The following ARMC2 variants were observed in gnomAD, a reference collection of about 807,000 sequenced individuals.
The protein encoded by ARMC2 is armadillo repeat containing 2.
In ARMC2, 67 loss-of-function variants were observed where a neutral mutation model predicts 90.3. The observed-to-expected ratio is 0.74, with a 90% CI of 0.61 to 0.91. The LOEUF (loss-of-function observed/expected upper bound fraction) is 0.91. Ranked by LOEUF, ARMC2 falls within the 40% of genes least tolerant of loss-of-function variation. The pLI, the probability that ARMC2 is intolerant of heterozygous loss-of-function variation, is 0.00. For missense variants in ARMC2, 920 were observed against 1,030.9 expected, an observed-to-expected ratio of 0.89 and a Z score of 1.47; for synonymous variants, 393 against 393.0, an observed-to-expected ratio of 1.00 and a Z score of 0.00.
At chr6:108,877,607 T>G (rs911027312) in intron 5 of ARMC2, among the ~76,000 whole-genome samples, 2 of 152,150 alleles carry the variant, frequency 1.3e-5, no homozygotes, top group South Asian at 2.1e-4. Context: ...AGCTTAAACA[T>G]AAAAGGCAGC....
At chr6:108,874,737 T>C (rs1197235623) in intron 4 of ARMC2, among the ~76,000 whole-genome samples, 5 of 152,050 alleles carry the variant, frequency 3.3e-5, no homozygotes, top group Non-Finnish European at 7.4e-5. Flanking sequence ...CGAACCCAAG[T>C]CTGAGCCAAA....
chr6:108,896,272 G>A (rs1287941616), intron 6 of ARMC2, among the ~76,000 whole-genome samples: 1 of 152,052 alleles, frequency 6.6e-6, no homozygotes, highest in Non-Finnish European at 1.5e-5. Context: ...TCAAAAACAT[G>A]CTGAAATTTT....
the ARMC2 span, among the ~76,000 whole-genome samples, chr6:109,045,727 G>A: frequency 6.6e-6 from 1 of 152,160 alleles, no homozygotes; most frequent in Non-Finnish European, 1.5e-5. Flanking sequence ...AGCCTTTGCA[G>A]AATTCTCTTG....
intron 7 of ARMC2, among the ~76,000 whole-genome samples, chr6:108,900,657 C>T (rs1236404642): frequency 6.6e-6 from 1 of 152,174 alleles, no homozygotes; most frequent in African/African-American, 2.4e-5. Context: ...CAAATGACCT[C>T]ACCCCTCCTC....
intron 10 of ARMC2, among the ~76,000 whole-genome samples, chr6:108,913,634 C>T (rs1773653028): frequency 6.6e-6 from 1 of 151,992 alleles, no homozygotes; most frequent in Admixed American, 6.6e-5. Context: ...TAAAAATCAC[C>T]TGCAATTTTT....
the ARMC2 span, among the ~76,000 whole-genome samples, chr6:109,051,322 A>G: frequency 1.6e-3 from 241 of 150,028 alleles, no homozygotes; most frequent in African/African-American, 5.5e-3. Flanking sequence ...AAACATTGAA[A>G]CTGAGTCAGA....
At chr6:108,930,673 T>C (rs1470593533) in intron 11 of ARMC2, among the ~76,000 whole-genome samples, 1 of 145,922 alleles carries the variant, frequency 6.9e-6, no homozygotes, top group Admixed American at 7.1e-5. Context: ...CTCGGCTCAC[T>C]GCAAGCTTCG....
intron 12 of ARMC2, among the ~76,000 whole-genome samples, chr6:108,949,123 T>G (rs1342512622): frequency 6.6e-6 from 1 of 152,190 alleles, no homozygotes; most frequent in African/African-American, 2.4e-5. Flanking sequence ...ATGCAAATAT[T>G]AATTAAATAA....
the ARMC2 span, among the ~76,000 whole-genome samples, chr6:109,038,981 G>A: frequency 1.3e-3 from 197 of 147,766 alleles, no homozygotes; most frequent in African/African-American, 4.6e-3. Flanking sequence ...AAAAGAAAAA[G>A]AAGAAGGAGG....
At position 108,881,194 on chromosome 6, in the gene ARMC2, C is replaced by A. The variant is rs139935555; in HGVS notation, c.671+4844C>A. The stretch of plus-strand genomic sequence containing the variant: ...TTCTTTTTTTTTTCTTTCTTTCTTT[C>A]TTTGTTTCTTTCTTTCCTTTCTTTT... On this transcript the variant is annotated intron_variant, in intron 5 of 17. Transcript: ENST00000392644. Among the ~76,000 whole-genome samples, 1,122 of 148,906 alleles carry A rather than the reference C, an allele frequency of 7.5e-3. 5 individuals are homozygous for A. The highest frequency in any genetic ancestry group is 0.012 in the Non-Finnish European group (811 of 67,070).
At chr6:108,908,677 G>A (rs2491086) in intron 8 of ARMC2, among the ~76,000 whole-genome samples, 110,731 of 151,614 alleles carry the variant, frequency 0.73, 40,956 homozygotes, top group Middle Eastern at 0.81. Context: ...GAGCCCACGA[G>A]GTCAAGGCTG....
At chr6:109,002,382 TAAACA>T in the ARMC2 span, 4 of 1,539,892 alleles carry the variant, frequency 2.6e-6, no homozygotes, top group Middle Eastern at 3.4e-4. Context: ...CCTTTGGCAG[TAAACA>T]AAATGAACTG....
intron 5 of ARMC2, among the ~76,000 whole-genome samples, chr6:108,881,445 A>T (rs569232349): frequency 6.6e-6 from 1 of 152,192 alleles, no homozygotes; most frequent in South Asian, 2.1e-4. Context: ...GATTATAACA[A>T]GGGGTAATTT....
intron 1 of ARMC2, among the ~76,000 whole-genome samples, chr6:108,850,867 A>G (rs896988394): frequency 3.9e-5 from 6 of 152,164 alleles, no homozygotes; most frequent in Admixed American, 2.6e-4. Context: ...GGCAGAGACC[A>G]GCCCGGGGCC....
At chr6:108,949,455 TA>T (rs1777030092) in intron 12 of ARMC2, among the ~76,000 whole-genome samples, 1 of 152,240 alleles carries the variant, frequency 6.6e-6, no homozygotes, top group Admixed American at 6.5e-5. Flanking sequence ...CTGTTATTGT[TA>T]TTAATTATTA....
chr6:108,924,934 C>T (rs537749768), intron 10 of ARMC2, among the ~76,000 whole-genome samples: 41 of 152,136 alleles, frequency 2.7e-4, no homozygotes, highest in Non-Finnish European at 3.8e-4. Flanking sequence ...TGTGACCAGT[C>T]AGGTGGGGAA....
chr6:108,965,001 T>C lies in ARMC2; in HGVS notation c.2307T>C (p.Asp769=). Residue 769 remains aspartate, a synonymous_variant, in exon 17 of 18, where the codon GAT becomes GAC. Transcript: ENST00000392644. The part of the protein sequence containing the change: ...GIKKLVDCLR[D]LGPTDWQLAC... ...TCAGGTTAGTGGACTGTTTAAGAGA[T>C]TTGGGTCCTACTGATTGGCAGCTGG... The C allele has an allele frequency of 1.9e-6, 3 of 1,612,174 alleles. No individual in the cohort carries two copies. The highest frequency in any genetic ancestry group is 2.5e-6 in the Non-Finnish European group (3 of 1,178,336).
At chr6:108,989,540 G>T in the ARMC2 span, among the ~76,000 whole-genome samples, 23 of 103,610 alleles carry the variant, frequency 2.2e-4, no homozygotes, top group African/African-American at 3.1e-4. Flanking sequence ...TAGAGATAGA[G>T]ATATCTCTAG....
the ARMC2 span, among the ~76,000 whole-genome samples, chr6:109,049,365 A>T: frequency 6.6e-6 from 1 of 152,120 alleles, no homozygotes; most frequent in African/African-American, 2.4e-5. Context: ...AAGAGAGGTT[A>T]CTAAAAGCTG....
Sources: gnomAD v4.1 joint callset for allele counts (sites outside exome capture counted in the v4.1 genomes callset) on GRCh38, gnomAD v4.1.1 for gene constraint, MANE v1.5 for transcripts, NCBI Gene and HGNC (gene_info 2026-07-23, HGNC 2026-07-21) for gene names.